Variants in COL11A1 observed in about 807,000 individuals in gnomAD.
The protein encoded by COL11A1 is collagen type XI alpha 1 chain, also known as collagen alpha-1(XI) chain.
COL11A1 carries 74 observed loss-of-function variants against 265.2 expected under a neutral mutation model. That is an observed-to-expected ratio of 0.28 (90% CI 0.23 to 0.34). COL11A1 has a LOEUF of 0.34. COL11A1 is among the 10% of genes least tolerant of loss of function. The probability of loss-of-function intolerance (pLI) is 1.00; values close to 1 mark genes in which losing one functional copy is unlikely to be tolerated. For missense variants in COL11A1, 2,165 were observed against 2,263.6 expected (o/e 0.96, Z 0.88); for synonymous variants, 816 against 727.6 (o/e 1.12, Z -1.96).
At chr1:103,100,561 T>C (rs1021779941) in intron 1 of COL11A1, 18 of 152,286 alleles carry the variant, frequency 1.2e-4, no homozygotes, top group African/African-American at 4.1e-4. Flanking sequence ...ACATCACCTT[T>C]TACCAGAACC....
At chr1:103,025,880 T>A in intron 6 of COL11A1, 1 of 1,613,408 alleles carries the variant, frequency 6.2e-7, no homozygotes, top group Non-Finnish European at 8.5e-7. Flanking sequence ...TTGGGGGGTG[T>A]AAACTTTTTG....
At chr1:102,982,444 T>C (rs1331065277) in intron 31 of COL11A1, among the ~76,000 whole-genome samples, 1 of 152,058 alleles carries the variant, frequency 6.6e-6, no homozygotes, top group African/African-American at 2.4e-5. Context: ...TAAGGATAGC[T>C]TGAGGTCCTG....
chr1:103,014,054 T>C (rs1385097176), intron 13 of COL11A1, among the ~76,000 whole-genome samples: 1 of 152,000 alleles, frequency 6.6e-6, no homozygotes. Flanking sequence ...TTATATATGA[T>C]GCCCAAAAAA....
chr1:102,964,586 G>GT (rs1661219192), intron 38 of COL11A1, among the ~76,000 whole-genome samples: 3 of 83,844 alleles, frequency 3.6e-5, no homozygotes, highest in Non-Finnish European at 5.5e-5. Flanking sequence ...GTTTCTCTAG[G>GT]GGTGTGTGTG....
chr1:102,960,206 T>C (rs1162105020), intron 41 of COL11A1, among the ~76,000 whole-genome samples: 1 of 152,152 alleles, frequency 6.6e-6, no homozygotes, highest in Non-Finnish European at 1.5e-5. Context: ...TGTTATATGA[T>C]GTGAGTGAAG....
In COL11A1 at chr1:102,886,893, T is replaced by C; in HGVS notation, c.4772A>G (p.Glu1591Gly). The C allele has an allele frequency of 1.9e-6, 3 of 1,613,868 alleles. No individual in the cohort carries two copies. Among genetic ancestry groups the C allele is most frequent in the Non-Finnish European group, 2.5e-6 (3 of 1,179,830 alleles). Residue 1591 changes from glutamate to glycine, a missense_variant, in exon 63 of 67, where the codon GAG becomes GGG. Glu to Gly is a moderately conservative substitution (Grantham distance 98). Coordinates refer to ENST00000370096, the MANE Select transcript of COL11A1 (RefSeq NM_001854.4). ...GSLNSLKQDI[E>G]HMKFPMGTQT... ...AGTACCCATTGGAAATTTCATATGC[T>C]CAATGTCTTGTTTCAGGGAATTGAG...
Position 102,877,184 on chromosome 1 carries a change from C to A in COL11A1, c.*835G>T, listed in dbSNP as rs1014815355. 6.6e-6 allele frequency: 1 copy of A among 152,512 alleles called. No homozygotes were observed. 9.4% of individuals were successfully genotyped at this position (152,512 alleles called of 1,614,324 possible). On this transcript the variant is annotated 3_prime_UTR_variant, in exon 67 of 67. Transcript: ENST00000370096. ...TTAATATACTTTCTTACACACATTT[C>A]CCTGTCCAAAAATATAAACTTGCTT...
chr1:103,097,838 G>T (rs559133873), intron 1 of COL11A1, among the ~76,000 whole-genome samples: 2 of 151,954 alleles, frequency 1.3e-5, no homozygotes, highest in Non-Finnish European at 2.9e-5. Context: ...CATATTGTCT[G>T]TGTAGCCACA....
intron 38 of COL11A1, among the ~76,000 whole-genome samples, chr1:102,964,571 T>C (rs926046358): frequency 7.0e-5 from 10 of 143,630 alleles, no homozygotes; most frequent in Non-Finnish European, 1.4e-4. Flanking sequence ...AGATGCAGTT[T>C]TGTTGTTTCT....
At chr1:103,086,522 C>T (rs767203619) in intron 1 of COL11A1, among the ~76,000 whole-genome samples, 18 of 152,180 alleles carry the variant, frequency 1.2e-4, no homozygotes, top group South Asian at 4.1e-4. Context: ...GTTCACGCCA[C>T]TCTCCTGCCT....
At chr1:102,974,378 GAC>G (rs899743700) in intron 36 of COL11A1, among the ~76,000 whole-genome samples, 2 of 152,134 alleles carry the variant, frequency 1.3e-5, no homozygotes, top group African/African-American at 4.8e-5. Context: ...GGATTATAGA[GAC>G]AGATATAATA....
At position 103,082,921 on chromosome 1, in the gene COL11A1, C is replaced by T. The variant is rs139542185; in HGVS notation, c.158G>A (p.Gly53Glu). Residue 53 changes from glycine (G) to glutamate (E), a missense_variant, in exon 2 of 67, where the codon GGA (glycine) becomes GAA (glutamate). Transcript: ENST00000370096. Reference sequence around the variant, plus strand: ...GCAAAATCCCGTTGTTTTTGATATTCCCTCTGGAGAATTGTGAAAATCTAG... The same window carrying T: ...GCAAAATCCCGTTGTTTTTGATATTTCCTCTGGAGAATTGTGAAAATCTAG... ...KALDFHNSPE[G>E]ISKTTGFCTN... is the part of the protein sequence containing the mutation. The T allele has an allele frequency of 1.7e-5, 27 of 1,613,120 alleles. No homozygotes were observed. In the African/African-American group the frequency reaches 2.3e-4, roughly 14 times the overall value.
At chr1:103,003,420 A>G in intron 20 of COL11A1, 152 bp from the exon 21 acceptor site, 1 of 850,618 alleles carries the variant, frequency 1.2e-6, no homozygotes, top group Non-Finnish European at 1.9e-6. Context: ...CATAACATAA[A>G]TATCTAGTGT....
intron 35 of COL11A1, among the ~76,000 whole-genome samples, chr1:102,978,237 A>AAAGGAG (rs1353994486): frequency 6.6e-6 from 1 of 152,172 alleles, no homozygotes; most frequent in Non-Finnish European, 1.5e-5. Context: ...TCAATTTACT[A>AAAGGAG]AATAGCTATT....
chr1:102,957,845 T>C (rs1020000324), intron 41 of COL11A1, among the ~76,000 whole-genome samples: 1 of 149,706 alleles, frequency 6.7e-6, no homozygotes, highest in Non-Finnish European at 1.5e-5. Context: ...AATGGTAAAA[T>C]AGAAAAAAAA....
intron 28 of COL11A1, among the ~76,000 whole-genome samples, chr1:102,992,817 C>A (rs1353917200): frequency 6.6e-6 from 1 of 151,950 alleles, no homozygotes; most frequent in Non-Finnish European, 1.5e-5. Context: ...GAAAAAGTAA[C>A]TAGAAAAACT....
At chr1:103,014,664 AT>A in intron 12 of COL11A1, 70 bp from the exon 13 acceptor site, 1 of 1,302,790 alleles carries the variant, frequency 7.7e-7, no homozygotes, top group Non-Finnish European at 1.1e-6. Flanking sequence ...TGCTTTGATC[AT>A]TAGATAAAAA....
chr1:103,063,655 A>G (rs1196855018), intron 4 of COL11A1, among the ~76,000 whole-genome samples: 1 of 152,148 alleles, frequency 6.6e-6, no homozygotes, highest in African/African-American at 2.4e-5. Context: ...TATGGTGATG[A>G]CTCTTCAGAC....
At chr1:102,965,127 T>C (rs1405521609) in intron 38 of COL11A1, among the ~76,000 whole-genome samples, 1 of 152,202 alleles carries the variant, frequency 6.6e-6, no homozygotes, top group Non-Finnish European at 1.5e-5. Context: ...AGTCATTTTA[T>C]AATTTAAAAT....
Sources: allele counts gnomAD v4.1 joint callset (sites outside exome capture counted in the v4.1 genomes callset), GRCh38; gene constraint gnomAD v4.1.1; transcripts MANE v1.5; gene names NCBI Gene and HGNC (gene_info 2026-07-23, HGNC 2026-07-21).